ZNF546: variants seen among roughly 807,000 people sequenced by gnomAD.
ZNF546 encodes zinc finger protein 546, also known as CTC-471F3.6.
Under a neutral mutation model 76.2 loss-of-function variants are expected in ZNF546, and 60 were observed. That is an observed-to-expected ratio of 0.79 (90% CI 0.64 to 0.98). The LOEUF is 0.98. Ranked by LOEUF, ZNF546 falls within the 50% of genes least tolerant of loss-of-function variation. The pLI, the probability that ZNF546 is intolerant of heterozygous loss-of-function variation, is 0.00. For missense variants in ZNF546, 936 were observed against 1,035.6 expected (o/e 0.90, Z 1.32); for synonymous variants, 277 against 328.1 (o/e 0.84, Z 1.68).
At chr19:40,010,231 C>T (rs937530999) in intron 6 of ZNF546, among the ~76,000 whole-genome samples, 2 of 151,956 alleles carry the variant, frequency 1.3e-5, no homozygotes, top group African/African-American at 4.8e-5. Context: ...GGTGAAACTT[C>T]ATCTTTACTA....
chr19:40,013,760 A>G lies in ZNF546; in HGVS notation c.490A>G (p.Asn164Asp). ...SQLQTGEKSK[N>D]TIHEDTIFRN... ...ATTGCAGACAGGGGAAAAAAGTAAA[A>G]ACACCATCCATGAGGACACCATTTT... Residue 164 changes from asparagine to aspartate, a missense_variant, in exon 7 of 7, where the codon AAC (asparagine) becomes GAC (aspartate). Coordinates refer to ENST00000347077, the MANE Select transcript of ZNF546 (RefSeq NM_178544.5). 1 of 1,613,364 alleles carries G rather than the reference A, an allele frequency of 6.2e-7. No homozygotes were observed. Among genetic ancestry groups the G allele is most frequent in the South Asian group, 1.1e-5 (1 of 90,714 alleles).
At position 40,016,884 on chromosome 19, in the gene ZNF546, T is replaced by C. The variant is rs1971777636; in HGVS notation, c.*1103T>C. 6.6e-6 allele frequency: 1 copy of C among 152,224 alleles called. No homozygotes were observed. The highest frequency in any genetic ancestry group is 2.1e-4 in the South Asian group (1 of 4,834). 9.4% of individuals were successfully genotyped at this position (152,224 alleles called of 1,614,324 possible). A position where few individuals can be genotyped will look rare whatever the true frequency, so the allele number is the denominator to read the frequency against. Reference sequence around the variant, plus strand: ...TTTGGCAAAACATGCCCCTGTGCCTTGGTTTTTAAAATGGTAATAACAGTA... The same window carrying C: ...TTTGGCAAAACATGCCCCTGTGCCTCGGTTTTTAAAATGGTAATAACAGTA... On this transcript the variant is annotated 3_prime_UTR_variant, in exon 7 of 7. Transcript: ENST00000347077.
chr19:40,002,391 G>T (rs1250108849), intron 3 of ZNF546, among the ~76,000 whole-genome samples: 5 of 152,162 alleles, frequency 3.3e-5, no homozygotes, highest in Admixed American at 3.3e-4. Context: ...AGACATAAGG[G>T]CTCACAGTAT....
At position 40,016,055 on chromosome 19, in the gene ZNF546, T is replaced by C; in HGVS notation, c.*274T>C. ...ACAGTGCTTCTCTAAAATGCAATAA[T>C]AATGGGCCAGGTGAAGTGGCTCACA... is the stretch of plus-strand genomic sequence containing the variant. On this transcript the variant is annotated 3_prime_UTR_variant, in exon 7 of 7. Coordinates refer to ENST00000347077, the MANE Select transcript of ZNF546 (RefSeq NM_178544.5). 1 of 426,354 alleles carries C rather than the reference T, an allele frequency of 2.3e-6. No individual in the cohort carries two copies. Among genetic ancestry groups the C allele is most frequent in the East Asian group, 4.7e-5 (1 of 21,100 alleles). 26.4% of individuals were successfully genotyped at this position (426,354 alleles called of 1,614,324 possible). A position where few individuals can be genotyped will look rare whatever the true frequency, so the allele number is the denominator to read the frequency against.
At chr19:40,001,851 A>G (rs1971535354) in intron 3 of ZNF546, among the ~76,000 whole-genome samples, 1 of 152,260 alleles carries the variant, frequency 6.6e-6, no homozygotes, top group African/African-American at 2.4e-5. Flanking sequence ...CAGTGGAACA[A>G]AGGACATAAT....
intron 5 of ZNF546, 31 bp from the exon 6 acceptor site, chr19:40,008,439 T>C (rs776497651): frequency 1.3e-6 from 2 of 1,510,270 alleles, no homozygotes. Context: ...TTTTTTTCTA[T>C]AACATGTGTC....
rs552089497 is a variant in ZNF546, at chr19:40,017,255, G to GACTC, written c.*1476_*1479dup. On this transcript the variant is annotated 3_prime_UTR_variant, in exon 7 of 7. Coordinates refer to ENST00000347077, the MANE Select transcript of ZNF546 (RefSeq NM_178544.5). ...AAGATTATGAGAGTAAAGTTTTGAA[G>GACTC]ACTCAGGGATAGCTGTAATGCTTTT... is the stretch of plus-strand genomic sequence containing the variant. The GACTC allele has an allele frequency of 1.3e-5, 2 of 152,306 alleles. No individual in the cohort carries two copies. The highest frequency in any genetic ancestry group is 4.8e-5 in the African/African-American group (2 of 41,574). The allele number at this position is 152,306 out of a possible 1,614,324, so 9.4% of individuals were successfully genotyped here.
At position 40,013,704 on chromosome 19, in the gene ZNF546, A is replaced by G; in HGVS notation, c.434A>G (p.Glu145Gly). The change falls in exon 7 of 7, where the codon GAA becomes GGA. Residue 145 changes from glutamate (E) to glycine (G), a missense_variant. Transcript: ENST00000347077. The part of the protein sequence containing the change: ...YKYITKNLLS[E>G]KNVCKIYLSQ... ...TATATTACCAAGAATTTGCTTTCAG[A>G]AAAGAATGTTTGCAAAATCTATTTA... 3 of 1,581,300 alleles carry G rather than the reference A, an allele frequency of 1.9e-6. No homozygotes were observed. The highest frequency in any genetic ancestry group is 2.6e-6 in the Non-Finnish European group (3 of 1,164,696).
intron 3 of ZNF546, among the ~76,000 whole-genome samples, chr19:40,004,017 A>ATAT (rs113382358): frequency 2.1e-5 from 3 of 145,232 alleles, no homozygotes; most frequent in South Asian, 2.1e-4. Flanking sequence ...ATCTCAAAAA[A>ATAT]ATATATATAT....
At position 40,004,115 on chromosome 19, in the gene ZNF546, T is replaced by C. The variant is rs374895951; in HGVS notation, c.85-1981T>C. On this transcript the variant is annotated intron_variant, in intron 3 of 6. Coordinates refer to ENST00000347077, the MANE Select transcript of ZNF546 (RefSeq NM_178544.5). The stretch of plus-strand genomic sequence containing the variant: ...TTAATATATAAATATATATTATATA[T>C]ATAACTATATTAATATATATATATA... 5.9e-3 allele frequency among the ~76,000 whole-genome samples: 821 copies of C among 138,492 alleles called. 18 individuals are homozygous for C. The highest frequency in any genetic ancestry group is 0.051 in the South Asian group (242 of 4,702). The allele number at this position is 138,492 out of a possible 152,430, so 90.9% of individuals were successfully genotyped here. A position where few individuals can be genotyped will look rare whatever the true frequency, so the allele number is the denominator to read the frequency against.
intron 1 of ZNF546, among the ~76,000 whole-genome samples, chr19:39,997,623 G>T (rs1319576890): frequency 6.6e-6 from 1 of 152,200 alleles, no homozygotes; most frequent in Non-Finnish European, 1.5e-5. Flanking sequence ...TGCGCAGTTG[G>T]AGCCGCTGTG....
rs1301618319 is a variant in ZNF546 at position 40,014,153 on chromosome 19, C to CAT, written c.884_885dup (p.Ser296IlefsTer4). The stretch of plus-strand genomic sequence containing the variant: ...TCACCTTACTGAACATCAGAGAATA[C>CAT]ATTCTGGTGTGAAACCCTACGAGTG... On this transcript the variant is annotated frameshift_variant, in exon 7 of 7. Transcript: ENST00000347077. LOFTEE classifies it high-confidence loss of function. The CAT allele has an allele frequency of 6.2e-7, 1 of 1,613,978 alleles. No individual in the cohort carries two copies. Among genetic ancestry groups the CAT allele is most frequent in the Non-Finnish European group, 8.5e-7 (1 of 1,179,958 alleles).
chr19:40,002,095 A>G (rs1302406048), intron 3 of ZNF546, among the ~76,000 whole-genome samples: 1 of 152,220 alleles, frequency 6.6e-6, no homozygotes, highest in Non-Finnish European at 1.5e-5. Context: ...CCTGCCCATA[A>G]TGGCATATGC....
At position 39,998,517 on chromosome 19, in the gene ZNF546, T is replaced by G. The variant is rs182970899; in HGVS notation, c.84+107T>G. Reference sequence around the variant, plus strand: ...TCTTCTCCAATCTTCTCCAAAGACCTCAGTTTTAAAATATGACAGGATTAG... The same window carrying G: ...TCTTCTCCAATCTTCTCCAAAGACCGCAGTTTTAAAATATGACAGGATTAG... On this transcript the variant is annotated intron_variant, in intron 3 of 6. Coordinates refer to ENST00000347077, the MANE Select transcript of ZNF546 (RefSeq NM_178544.5). 35 of 966,504 alleles carry G rather than the reference T, an allele frequency of 3.6e-5. No individual in the cohort carries two copies. In the African/African-American group the frequency reaches 5.2e-4, roughly 14 times the overall value. 59.9% of individuals were successfully genotyped at this position (966,504 alleles called of 1,614,324 possible).
intron 5 of ZNF546, 128 bp from the exon 6 acceptor site, chr19:40,008,342 T>TG (rs1286577176): frequency 1.8e-6 from 1 of 564,044 alleles, no homozygotes; most frequent in Non-Finnish European, 3.1e-6. Flanking sequence ...TTTACTGTCA[T>TG]GGCATTGTCT....
rs943586543 is a variant in ZNF546, at chr19:40,016,539, G to A, written c.*758G>A. 2 of 151,922 alleles carry A rather than the reference G, an allele frequency of 1.3e-5. No individual in the cohort carries two copies. The highest frequency in any genetic ancestry group is 2.9e-5 in the Non-Finnish European group (2 of 67,988). 9.4% of individuals were successfully genotyped at this position (151,922 alleles called of 1,614,324 possible). On this transcript the variant is annotated 3_prime_UTR_variant, in exon 7 of 7. Coordinates refer to ENST00000347077, the MANE Select transcript of ZNF546 (RefSeq NM_178544.5). ...TGTCTCTTAAATAAATAAATAAATA[G>A]ATTACCAGAAAAATGAAAAGAAAAA...
chr19:40,013,202 A>C (rs1971694198), intron 6 of ZNF546, among the ~76,000 whole-genome samples: 2 of 152,216 alleles, frequency 1.3e-5, no homozygotes, highest in South Asian at 4.1e-4. Flanking sequence ...TCTCTAAGCC[A>C]GGAACCAGCA....
Position 39,999,063 on chromosome 19 carries a change from G to A in ZNF546, c.84+653G>A, listed in dbSNP as rs1036128779. On this transcript the variant is annotated intron_variant, in intron 3 of 6. Transcript: ENST00000347077. ...GCTGGGATTACAGGCATGAACCACC[G>A]CACCCAGCCGCAAATTTTAAATTTT... Among the ~76,000 whole-genome samples the A allele has an allele frequency of 4.6e-5, 7 of 152,276 alleles. No homozygotes were observed. In the South Asian group the frequency reaches 1.2e-3, roughly 27 times the overall value.
intron 3 of ZNF546, among the ~76,000 whole-genome samples, chr19:40,002,960 A>G (rs1408577984): frequency 6.6e-6 from 1 of 152,058 alleles, no homozygotes; most frequent in Non-Finnish European, 1.5e-5. Flanking sequence ...TTGGCCTCCC[A>G]AAGTCCTGGG....
Sources: allele counts gnomAD v4.1 joint callset (sites outside exome capture counted in the v4.1 genomes callset), GRCh38; gene constraint gnomAD v4.1.1; transcripts MANE v1.5; gene names NCBI Gene and HGNC (gene_info 2026-07-23, HGNC 2026-07-21).